Variants in PRELID3A observed in about 807,000 individuals in gnomAD.
PRELID3A encodes PRELI domain containing 3A.
A neutral mutation model predicts 23.0 loss-of-function variants in PRELID3A; 27 were observed. The ratio of observed to expected loss-of-function variants is 1.17; its 90% CI spans 0.87 to 1.62. The LOEUF is 1.62. Among genes scored for constraint, PRELID3A ranks in the 40% most tolerant of loss-of-function variants. The pLI is 0.00. For missense variants in PRELID3A, 231 were observed against 231.4 expected (o/e 1.00, Z 0.01); for synonymous variants, 87 against 86.4 (o/e 1.01, Z -0.04).
intron 1 of PRELID3A, among the ~76,000 whole-genome samples, chr18:12,417,470 A>C (rs2029999517): frequency 6.6e-6 from 1 of 152,206 alleles, no homozygotes; most frequent in Non-Finnish European, 1.5e-5. Context: ...CACTGCATCC[A>C]GCCCTAAGAT....
intron 3 of PRELID3A, 49 bp downstream of exon 3, chr18:12,421,678 G>A: frequency 1.6e-6 from 2 of 1,239,514 alleles, no homozygotes; most frequent in Non-Finnish European, 2.4e-6. Context: ...TCTGGGTGGT[G>A]GTGCGTAAGG....
At chr18:12,416,271 G>A (rs2029948415) in intron 1 of PRELID3A, among the ~76,000 whole-genome samples, 1 of 152,122 alleles carries the variant, frequency 6.6e-6, no homozygotes, top group Admixed American at 6.6e-5. Flanking sequence ...TTGAAAGCGT[G>A]TCAGGCTATT....
At chr18:12,418,938 C>T (rs1056235173) in intron 1 of PRELID3A, among the ~76,000 whole-genome samples, 1 of 152,114 alleles carries the variant, frequency 6.6e-6, no homozygotes. Context: ...CCCATAATTC[C>T]AGCACTTTGG....
intron 3 of PRELID3A, among the ~76,000 whole-genome samples, chr18:12,426,087 A>T (rs1430192971): frequency 6.7e-6 from 1 of 150,180 alleles, no homozygotes; most frequent in Admixed American, 6.6e-5. Context: ...TACAAAAAAA[A>T]ACTTAGCCAG....
chr18:12,423,847 C>T (rs2030272607), intron 3 of PRELID3A, among the ~76,000 whole-genome samples: 1 of 152,198 alleles, frequency 6.6e-6, no homozygotes, highest in Non-Finnish European at 1.5e-5. Flanking sequence ...GCTCTGGGTC[C>T]TGCGGCTCCC....
chr18:12,409,159 G>GTTTTTTTTTTTTTT (rs71371255), intron 1 of PRELID3A, among the ~76,000 whole-genome samples: 1 of 66,472 alleles, frequency 1.5e-5, no homozygotes, highest in Non-Finnish European at 2.6e-5. Flanking sequence ...CCCAGGCTGG[G>GTTTTTTTTTTTTTT]TTTTTTTTTT....
rs1380114598 is a variant in PRELID3A at position 12,431,957 on chromosome 18, A to C, written c.*841A>C. On this transcript the variant is annotated 3_prime_UTR_variant, in exon 7 of 7. Transcript: ENST00000440960. ...CTGTTTTTCGCCTTATAGTTTTGTGAGTGTTTGAGGGACAACGACCAAAGG... is the reference window on the plus strand; with the variant it reads ...CTGTTTTTCGCCTTATAGTTTTGTGCGTGTTTGAGGGACAACGACCAAAGG... The C allele has an allele frequency of 6.6e-6, 1 of 152,124 alleles. No individual in the cohort carries two copies. Among genetic ancestry groups the C allele is most frequent in the East Asian group, 1.9e-4 (1 of 5,166 alleles). The allele number at this position is 152,124 out of a possible 1,614,324, so 9.4% of individuals were successfully genotyped here. A position where few individuals can be genotyped will look rare whatever the true frequency, so the allele number is the denominator to read the frequency against.
In PRELID3A at chr18:12,419,015, T is replaced by TAA. The variant is rs1166384124; in HGVS notation, c.33-1304_33-1303dup. ...ATCAACCTGGCAACATAATGAGACC[T>TAA]AAAAAAATTGTTAAAATAAAAAGTT... On this transcript the variant is annotated intron_variant, in intron 1 of 6. Transcript: ENST00000440960. Among the ~76,000 whole-genome samples, 8 of 152,054 alleles carry TAA rather than the reference T, an allele frequency of 5.3e-5. 1 individual carries two copies. In the South Asian group the frequency reaches 1.7e-3, roughly 32 times the overall value.
intron 3 of PRELID3A, among the ~76,000 whole-genome samples, chr18:12,425,226 G>A (rs891904417): frequency 3.3e-5 from 5 of 152,178 alleles, no homozygotes; most frequent in African/African-American, 1.2e-4. Context: ...AGCTGCATGT[G>A]TGTGTGGCTA....
At chr18:12,418,693 G>A (rs1327809634) in intron 1 of PRELID3A, among the ~76,000 whole-genome samples, 1 of 152,230 alleles carries the variant, frequency 6.6e-6, no homozygotes, top group Non-Finnish European at 1.5e-5. Context: ...TGAAGGAAGG[G>A]TGGATTAGGA....
chr18:12,418,986 C>T (rs896271164), intron 1 of PRELID3A, among the ~76,000 whole-genome samples: 21 of 151,910 alleles, frequency 1.4e-4, no homozygotes, highest in Admixed American at 2.6e-4. Context: ...GCCATGAGTT[C>T]GACATCAACC....
At chr18:12,416,221 T>C (rs920111117) in intron 1 of PRELID3A, among the ~76,000 whole-genome samples, 2 of 152,200 alleles carry the variant, frequency 1.3e-5, no homozygotes, top group African/African-American at 4.8e-5. Flanking sequence ...CTATACCCTT[T>C]CCAGTACTCA....
At chr18:12,415,228 T>G (rs2029906519) in intron 1 of PRELID3A, among the ~76,000 whole-genome samples, 2 of 150,768 alleles carry the variant, frequency 1.3e-5, no homozygotes, top group African/African-American at 2.4e-5. Flanking sequence ...ACACACCTGG[T>G]CTGCCTACAT....
chr18:12,416,705 G>C (rs977873950), intron 1 of PRELID3A, among the ~76,000 whole-genome samples: 1 of 149,690 alleles, frequency 6.7e-6, no homozygotes. Flanking sequence ...GAGTGCAGTG[G>C]CATGATCTGG....
chr18:12,423,857 C>T (rs552604766), intron 3 of PRELID3A, among the ~76,000 whole-genome samples: 1 of 152,310 alleles, frequency 6.6e-6, no homozygotes, highest in South Asian at 2.1e-4. Flanking sequence ...CTGCGGCTCC[C>T]CTGCCCCAAC....
chr18:12,419,993 A>G lies in PRELID3A; in HGVS notation c.33-332A>G, dbSNP rs1025680682. 4 of 451,158 alleles carry G rather than the reference A, an allele frequency of 8.9e-6. No individual in the cohort carries two copies. The South Asian group carries it at 1.8e-4, about 21-fold the overall frequency. The allele number at this position is 451,158 out of a possible 1,614,324, so 27.9% of individuals were successfully genotyped here. A position where few individuals can be genotyped will look rare whatever the true frequency, so the allele number is the denominator to read the frequency against. ...AGTCCCAGCTACTGGAGGTGGGGCA[A>G]GAGGAGGCTGAGGCAGGATGTTCAC... On this transcript the variant is annotated intron_variant, in intron 1 of 6. Transcript: ENST00000440960.
At chr18:12,427,466 G>T in intron 5 of PRELID3A, 143 bp downstream of exon 5, 1 of 656,746 alleles carries the variant, frequency 1.5e-6, no homozygotes. Context: ...GGAGGCCAAC[G>T]CAGGTGGACC....
Position 12,407,959 on chromosome 18 carries a change from GC to G in PRELID3A, c.-14del. 1 of 1,294,794 alleles carries G rather than the reference GC, an allele frequency of 7.7e-7. No homozygotes were observed. The highest frequency in any genetic ancestry group is 9.8e-7 in the Non-Finnish European group (1 of 1,023,424). 80.2% of individuals were successfully genotyped at this position (1,294,794 alleles called of 1,614,324 possible). On this transcript the variant is annotated 5_prime_UTR_variant, in exon 1 of 7. Transcript: ENST00000440960. ...ACCCGGCCCGGATCGCAGAGCCCGCGCCCTGCGCCGGCGGCAATGAAGATCT... is the reference window on the plus strand; with the variant it reads ...ACCCGGCCCGGATCGCAGAGCCCGCGCCTGCGCCGGCGGCAATGAAGATCT...
chr18:12,420,965 C>T (rs1046887437), intron 2 of PRELID3A, among the ~76,000 whole-genome samples: 8 of 152,138 alleles, frequency 5.3e-5, no homozygotes, highest in Admixed American at 2.6e-4. Flanking sequence ...GCCCAGCGTC[C>T]GCAGCCAGCC....
Sources: allele counts gnomAD v4.1 joint callset (sites outside exome capture counted in the v4.1 genomes callset), GRCh38; gene constraint gnomAD v4.1.1; transcripts MANE v1.5; gene names NCBI Gene and HGNC (gene_info 2026-07-23, HGNC 2026-07-21).